The following CHAC2 variants were observed in gnomAD, a reference collection of about 807,000 sequenced individuals.
CHAC2 encodes the protein ChaC glutathione specific gamma-glutamylcyclotransferase 2, also known as glutathione-specific gamma-glutamylcyclotransferase 2.
CHAC2 carries 20 observed loss-of-function variants against 16.9 expected under a neutral mutation model. The ratio of observed to expected loss-of-function variants is 1.18; its 90% CI spans 0.83 to 1.72. CHAC2 has a LOEUF of 1.72. Among genes scored for constraint, CHAC2 ranks in the 40% most tolerant of loss-of-function variants. The pLI, the probability that CHAC2 is intolerant of heterozygous loss-of-function variation, is 0.00. For synonymous variants in CHAC2, 91 were observed against 77.3 expected, an observed-to-expected ratio of 1.18 and a Z score of -0.93; for missense variants, 269 against 222.2, an observed-to-expected ratio of 1.21 and a Z score of -1.34.
chr2:53,772,729 C>T (rs1277402082), intron 2 of CHAC2, among the ~76,000 whole-genome samples: 1 of 152,136 alleles, frequency 6.6e-6, no homozygotes, highest in African/African-American at 2.4e-5. Flanking sequence ...TTCAGGAGTA[C>T]ATGTGCAGGA....
At chr2:53,768,173 C>A (rs1351383917) in intron 1 of CHAC2, 152 bp downstream of exon 1, 3 of 892,936 alleles carry the variant, frequency 3.4e-6, no homozygotes, top group African/African-American at 3.4e-5. Flanking sequence ...ATTTTCCCTG[C>A]CACCTGCCCG....
intron 2 of CHAC2, among the ~76,000 whole-genome samples, chr2:53,772,426 G>C (rs988570734): frequency 1.3e-5 from 2 of 151,976 alleles, no homozygotes; most frequent in Non-Finnish European, 2.9e-5. Context: ...CGCCCGCCTT[G>C]GCCTCCCAAA....
At chr2:53,772,929 G>A (rs914366446) in intron 2 of CHAC2, among the ~76,000 whole-genome samples, 1 of 152,012 alleles carries the variant, frequency 6.6e-6, no homozygotes, top group Non-Finnish European at 1.5e-5. Flanking sequence ...TGGAGCACCA[G>A]AAAGTTTTAT....
intron 2 of CHAC2, among the ~76,000 whole-genome samples, chr2:53,773,398 G>C (rs1573017810): frequency 6.6e-6 from 1 of 151,210 alleles, no homozygotes; most frequent in Admixed American, 6.6e-5. Flanking sequence ...GTTCTTCTGT[G>C]CACTTTAAGT....
At chr2:53,772,444 G>C (rs1381060490) in intron 2 of CHAC2, among the ~76,000 whole-genome samples, 1 of 152,018 alleles carries the variant, frequency 6.6e-6, no homozygotes, top group East Asian at 1.9e-4. Context: ...AAAGTGCTGG[G>C]ATTACAGGCA....
At chr2:53,772,439 G>A (rs1332095170) in intron 2 of CHAC2, among the ~76,000 whole-genome samples, 1 of 152,090 alleles carries the variant, frequency 6.6e-6, no homozygotes, top group African/African-American at 2.4e-5. Context: ...CTCCCAAAGT[G>A]CTGGGATTAC....
chr2:53,767,808 G>T lies in CHAC2; in HGVS notation c.-79G>T, dbSNP rs1420686857. 4.6e-6 allele frequency: 7 copies of T among 1,523,134 alleles called. No homozygotes were observed. In the South Asian group the frequency reaches 8.5e-5, roughly 19 times the overall value. The allele number at this position is 1,523,134 out of a possible 1,614,324, so 94.4% of individuals were successfully genotyped here. A position where few individuals can be genotyped will look rare whatever the true frequency, so the allele number is the denominator to read the frequency against. ...CTGCGCCCCGCGCGGCCGGTTACTC[G>T]CTTACCGGAGGCTTCAGTCCCCGGC... On this transcript the variant is annotated 5_prime_UTR_variant, in exon 1 of 3. Transcript: ENST00000295304.
intron 1 of CHAC2, among the ~76,000 whole-genome samples, chr2:53,768,901 T>C (rs1458616500): frequency 6.6e-6 from 1 of 152,148 alleles, no homozygotes; most frequent in Non-Finnish European, 1.5e-5. Flanking sequence ...AATTGGTCAA[T>C]GGAAAGTGGA....
At chr2:53,771,756 G>A (rs1673928247) in intron 1 of CHAC2, 151 bp from the exon 2 acceptor site, 1 of 661,130 alleles carries the variant, frequency 1.5e-6, no homozygotes, top group African/African-American at 1.8e-5. Context: ...ATTCACTTAA[G>A]CTTTATCATA....
In CHAC2 at chr2:53,774,659, C is replaced by T. The variant is rs1172543532; in HGVS notation, c.*134C>T. On this transcript the variant is annotated 3_prime_UTR_variant, in exon 3 of 3. Coordinates refer to ENST00000295304, the MANE Select transcript of CHAC2 (RefSeq NM_001008708.4). ...TTTTAACTGGAAATGTCCTGAAACA[C>T]ATATTTAAAATATTGGGATACAGTG... is the stretch of plus-strand genomic sequence containing the variant. 3.4e-4 allele frequency: 218 copies of T among 643,012 alleles called. No homozygotes were observed. In the East Asian group the frequency reaches 6.8e-3, roughly 20 times the overall value. 39.8% of individuals were successfully genotyped at this position (643,012 alleles called of 1,614,324 possible).
At chr2:53,768,153 A>C in intron 1 of CHAC2, 132 bp downstream of exon 1, 1 of 1,032,894 alleles carries the variant, frequency 9.7e-7, no homozygotes, top group South Asian at 1.9e-5. Context: ...TTGGGGTAAC[A>C]TTTCTGTAGA....
rs1187677389 is a variant in CHAC2 at position 53,768,022 on chromosome 2, G to A, written c.135+1G>A. The stretch of plus-strand genomic sequence containing the variant: ...GGACCACCGCGGGGTCCCCGGCAAG[G>A]TGAGGCGCCGGTCAGCTCCCCACAC... On this transcript the variant is annotated splice_donor_variant, in intron 1 of 2. Coordinates refer to ENST00000295304, the MANE Select transcript of CHAC2 (RefSeq NM_001008708.4). LOFTEE classifies it high-confidence loss of function. The A allele has an allele frequency of 2.5e-6, 4 of 1,613,026 alleles. No individual in the cohort carries two copies. In the African/African-American group the frequency reaches 4.0e-5, roughly 16 times the overall value.
chr2:53,770,167 C>G (rs927167853), intron 1 of CHAC2, among the ~76,000 whole-genome samples: 5 of 152,016 alleles, frequency 3.3e-5, no homozygotes, highest in African/African-American at 1.2e-4. Flanking sequence ...ATCTAAATGT[C>G]CAAGAACACA....
upstream of CHAC2, chr2:53,767,783 C>A: frequency 6.9e-7 from 1 of 1,455,072 alleles, no homozygotes; most frequent in East Asian, 2.5e-5. Flanking sequence ...GCCATCGCGC[C>A]TGCGCCCCGC....
rs532854647 is a variant in CHAC2 at position 53,769,398 on chromosome 2, T to A, written c.135+1377T>A. On this transcript the variant is annotated intron_variant, in intron 1 of 2. Transcript: ENST00000295304. ...GGCTCCAATTATAATGACCAAGTAT[T>A]AAATATTTATGTATGTGGCTATAAC... Among the ~76,000 whole-genome samples the A allele has an allele frequency of 8.5e-5, 13 of 152,326 alleles. No homozygotes were observed. The South Asian group carries it at 2.7e-3, about 32-fold the overall frequency.
In CHAC2 at chr2:53,774,176, TA is replaced by T; in HGVS notation, c.207del (p.Gly70GlufsTer6). On this transcript the variant is annotated frameshift_variant, in exon 3 of 3. Coordinates refer to ENST00000295304, the MANE Select transcript of CHAC2 (RefSeq NM_001008708.4). LOFTEE classifies it high-confidence loss of function. ...TGGGGTGTTGCTTACAGATTGCCAG[TA>T]GGAAAGGAAGAAGAAGTAAAAGCAT... ...CVWGVAYRLPVGKEEEVKAYL... is the reference protein window; with the variant it reads ...CVWGVAYRLPXGKEEEVKAYL... 1 of 1,612,018 alleles carries T rather than the reference TA, an allele frequency of 6.2e-7. No individual in the cohort carries two copies. The highest frequency in any genetic ancestry group is 8.5e-7 in the Non-Finnish European group (1 of 1,179,166).
intron 1 of CHAC2, among the ~76,000 whole-genome samples, chr2:53,769,470 C>A (rs1467617642): frequency 6.6e-6 from 1 of 152,190 alleles, no homozygotes; most frequent in African/African-American, 2.4e-5. Flanking sequence ...TGTTACAAAA[C>A]ACATTGAGAT....
intron 2 of CHAC2, among the ~76,000 whole-genome samples, chr2:53,772,678 A>G (rs1314388476): frequency 6.6e-6 from 1 of 151,764 alleles, no homozygotes; most frequent in Non-Finnish European, 1.5e-5. Flanking sequence ...TAATTGTATC[A>G]ATAGCACCTG....
At chr2:53,773,983 C>T (rs189024985) in intron 2 of CHAC2, among the ~76,000 whole-genome samples, 159 bp from the exon 3 acceptor site, 1 of 152,172 alleles carries the variant, frequency 6.6e-6, no homozygotes, top group Admixed American at 6.5e-5. Context: ...TGCAGTAGGC[C>T]ACGATCGTGC....
Sources: allele counts gnomAD v4.1 joint callset (sites outside exome capture counted in the v4.1 genomes callset), GRCh38; gene constraint gnomAD v4.1.1; transcripts MANE v1.5; gene names NCBI Gene and HGNC (gene_info 2026-07-23, HGNC 2026-07-21).